The following RAB3GAP1 variants were observed in gnomAD, a reference collection of about 807,000 sequenced individuals.
The protein encoded by RAB3GAP1 is rab3 GTPase-activating protein catalytic subunit.
In RAB3GAP1, 86 loss-of-function variants were observed where a neutral mutation model predicts 130.7. The ratio of observed to expected loss-of-function variants is 0.66; its 90% confidence interval spans 0.55 to 0.79. RAB3GAP1 has a LOEUF of 0.79. Among genes scored for constraint, RAB3GAP1 ranks in the 30% least tolerant of loss-of-function variants. The pLI is 0.00. For synonymous variants in RAB3GAP1, 367 were observed against 401.7 expected, an observed-to-expected ratio of 0.91 and a Z score of 1.03; for missense variants, 1,029 against 1,169.4, an observed-to-expected ratio of 0.88 and a Z score of 1.75.
rs139710479 is a variant in RAB3GAP1, at chr2:135,117,195, G to A, written c.648+1814G>A. On this transcript the variant is annotated intron_variant, in intron 7 of 23. Coordinates refer to ENST00000264158, the MANE Select transcript of RAB3GAP1 (RefSeq NM_012233.3). ...AGGTGCTTCTATTTTAGAGAATTCC[G>A]TGTATATATGTAATTTTCTTTTCAA... 5.6e-3 allele frequency among the ~76,000 whole-genome samples: 853 copies of A among 152,180 alleles called. 4 individuals are homozygous for A. Among genetic ancestry groups the A allele is most frequent in the African/African-American group, 0.017 (721 of 41,530 alleles).
chr2:135,063,661 G>A (rs982601430), intron 3 of RAB3GAP1, among the ~76,000 whole-genome samples: 9 of 152,142 alleles, frequency 5.9e-5, no homozygotes, highest in South Asian at 2.1e-4. Context: ...AATTTTCTTC[G>A]TTTTTAATGC....
chr2:135,109,968 T>C (rs10469584), intron 5 of RAB3GAP1, among the ~76,000 whole-genome samples: 4,113 of 152,158 alleles, frequency 0.027, 165 homozygotes, highest in African/African-American at 0.092. Flanking sequence ...TTGTTGTTGA[T>C]TTTCGCTTAT....
In RAB3GAP1 at chr2:135,153,869, C is replaced by T; in HGVS notation, c.2282C>T (p.Ala761Val). Reference sequence around the variant, plus strand: ...AGACTCTTTGATGATACACGGGAAGCAGAAAAGGTAATTGAGGTTTGAGTC... The same window carrying T: ...AGACTCTTTGATGATACACGGGAAGTAGAAAAGGTAATTGAGGTTTGAGTC... ...QRRLFDDTREAEKVLHYLAIQ... is the reference protein window; with the variant it reads ...QRRLFDDTREVEKVLHYLAIQ... The change falls in exon 19 of 24, where the codon GCA becomes GTA. Residue 761 changes from alanine (A) to valine (V), a missense_variant. Ala to Val is a moderately conservative substitution (Grantham distance 64, BLOSUM62 0). Transcript: ENST00000264158. 6.2e-7 allele frequency: 1 copy of T among 1,613,316 alleles called. No homozygotes were observed. The highest frequency in any genetic ancestry group is 1.7e-5 in the Admixed American group (1 of 59,996).
At chr2:135,120,307 A>G (rs901938493) in intron 7 of RAB3GAP1, among the ~76,000 whole-genome samples, 1 of 152,230 alleles carries the variant, frequency 6.6e-6, no homozygotes, top group African/African-American at 2.4e-5. Context: ...GCTTTATTTT[A>G]AAGCTATGGC....
chr2:135,083,079 TG>T (rs1205074991), intron 3 of RAB3GAP1, among the ~76,000 whole-genome samples: 5 of 152,072 alleles, frequency 3.3e-5, no homozygotes, highest in Admixed American at 6.5e-5. Context: ...GTTGTATTGA[TG>T]TTTTTTTTTT....
chr2:135,124,076 T>G, intron 8 of RAB3GAP1, 89 bp from the exon 9 acceptor site: 4 of 1,278,202 alleles, frequency 3.1e-6, no homozygotes, highest in Non-Finnish European at 4.5e-6. Context: ...TGCAGACACT[T>G]TTAAAGCTAT....
chr2:135,172,200 CG>C (rs1558811723), downstream of RAB3GAP1, among the ~76,000 whole-genome samples: 4 of 151,844 alleles, frequency 2.6e-5, no homozygotes, highest in African/African-American at 9.7e-5. Context: ...GAGGCCGAGG[CG>C]GGCGGATCAC....
Position 135,133,941 on chromosome 2 carries a change from T to C in RAB3GAP1, c.1407T>C (p.Phe469=), listed in dbSNP as rs144654966. The C allele has an allele frequency of 2.5e-6, 4 of 1,613,980 alleles. No homozygotes were observed. Among genetic ancestry groups the C allele is most frequent in the Non-Finnish European group, 3.4e-6 (4 of 1,179,856 alleles). ...CTTTGTGTCTCTGTATGATCAATTT[T>C]TACCATGGAGGGTTGAAAGGAGTGG... is the stretch of plus-strand genomic sequence containing the variant. ...KLALCLCMIN[F]YHGGLKGVAH... The change falls in exon 15 of 24, where the codon TTT becomes TTC. Residue 469 remains phenylalanine, a synonymous_variant. Transcript: ENST00000264158.
At chr2:135,122,287 G>T (rs990648015) in intron 8 of RAB3GAP1, among the ~76,000 whole-genome samples, 13 of 152,160 alleles carry the variant, frequency 8.5e-5, no homozygotes, top group African/African-American at 3.1e-4. Context: ...AAATGTTTGT[G>T]TTGGTAGTTT....
chr2:135,074,902 T>A (rs1378190988), intron 3 of RAB3GAP1, among the ~76,000 whole-genome samples: 1 of 152,308 alleles, frequency 6.6e-6, no homozygotes, highest in African/African-American at 2.4e-5. Context: ...AGGGGCCATG[T>A]ATGGACGAGA....
intron 23 of RAB3GAP1, among the ~76,000 whole-genome samples, chr2:135,168,235 T>C (rs1365240018): frequency 1.3e-5 from 2 of 152,192 alleles, no homozygotes; most frequent in African/African-American, 2.4e-5. Context: ...GGAAGAAACA[T>C]AGAAAGCAGC....
intron 17 of RAB3GAP1, among the ~76,000 whole-genome samples, chr2:135,138,580 G>A (rs1011255902): frequency 4.6e-5 from 7 of 151,470 alleles, no homozygotes; most frequent in African/African-American, 1.7e-4. Context: ...ATACATATAT[G>A]TGTGTACATA....
chr2:135,143,706 C>T (rs1005880552), intron 17 of RAB3GAP1, among the ~76,000 whole-genome samples: 2 of 151,986 alleles, frequency 1.3e-5, no homozygotes, highest in Non-Finnish European at 2.9e-5. Context: ...TACAGGTGCC[C>T]ACCACCACGC....
downstream of RAB3GAP1, among the ~76,000 whole-genome samples, chr2:135,173,285 A>G (rs552731029): frequency 1.6e-4 from 25 of 151,954 alleles, no homozygotes; most frequent in Admixed American, 4.6e-4. Context: ...AGCCATGGAC[A>G]GTATGAGGTC....
chr2:135,081,361 T>TATATACAC (rs1216831944), intron 3 of RAB3GAP1, among the ~76,000 whole-genome samples: 37 of 71,240 alleles, frequency 5.2e-4, no homozygotes, highest in Admixed American at 1.5e-3. Flanking sequence ...TATATATATA[T>TATATACAC]ACACACACGT....
At chr2:135,122,350 G>A (rs1691229702) in intron 8 of RAB3GAP1, among the ~76,000 whole-genome samples, 1 of 150,660 alleles carries the variant, frequency 6.6e-6, no homozygotes. Context: ...TGTCTGGTTA[G>A]AAGTTTCCAT....
intron 5 of RAB3GAP1, among the ~76,000 whole-genome samples, chr2:135,098,440 A>G (rs1191252232): frequency 6.6e-6 from 1 of 152,164 alleles, no homozygotes; most frequent in Non-Finnish European, 1.5e-5. Flanking sequence ...AGTTTTATCA[A>G]TTTTTAATTT....
rs1691281906 is a variant in RAB3GAP1, at chr2:135,124,219, C to T, written c.803C>T (p.Pro268Leu). ...EVGGLEFGKL[P>L]FGACEDPISE... ...GGAGGCTTGGAGTTTGGCAAGTTACCATTTGGTGCCTGCGAAGATCCTATT... is the reference window on the plus strand; with the variant it reads ...GGAGGCTTGGAGTTTGGCAAGTTACTATTTGGTGCCTGCGAAGATCCTATT... The change falls in exon 9 of 24, where the codon CCA (proline) becomes CTA (leucine). Residue 268 changes from proline (P) to leucine (L), a missense_variant. Physicochemically the swap from Pro to Leu is moderately conservative, Grantham distance 98 (BLOSUM62 -3). This residue lies in a region of RAB3GAP1 where 510 missense variants were observed against 532.1 expected (regional missense o/e 0.96). Transcript: ENST00000264158. The T allele has an allele frequency of 6.2e-7, 1 of 1,613,970 alleles. No homozygotes were observed. The highest frequency in any genetic ancestry group is 1.7e-5 in the Admixed American group (1 of 59,994).
At chr2:135,146,360 C>T (rs1165337073) in intron 17 of RAB3GAP1, among the ~76,000 whole-genome samples, 6 of 151,492 alleles carry the variant, frequency 4.0e-5, no homozygotes, top group African/African-American at 1.5e-4. Context: ...TACAGGTGCC[C>T]GCCACTAAGC....
Sources: gnomAD v4.1 joint callset for allele counts (sites outside exome capture counted in the v4.1 genomes callset) on GRCh38, gnomAD v4.1.1 for gene constraint, gnomAD v4.1.1 regional missense constraint, MANE v1.5 for transcripts, NCBI Gene and HGNC (gene_info 2026-07-23, HGNC 2026-07-21) for gene names.